The following ACADSB variants were observed in gnomAD, a reference collection of about 807,000 sequenced individuals.
ACADSB encodes the protein acyl-CoA dehydrogenase short/branched chain.
ACADSB carries 40 observed loss-of-function variants against 54.1 expected under a neutral mutation model. The ratio of observed to expected loss-of-function variants is 0.74; its 90% CI spans 0.57 to 0.96. The LOEUF is 0.96. ACADSB is among the 40% of genes least tolerant of loss of function. The probability of loss-of-function intolerance (pLI) is 0.00; values close to 1 mark genes in which losing one functional copy is unlikely to be tolerated. For missense variants in ACADSB, 530 were observed against 510.4 expected, an observed-to-expected ratio of 1.04 and a Z score of -0.37; for synonymous variants, 182 against 182.8, an observed-to-expected ratio of 1.00 and a Z score of 0.03.
chr10:123,032,033 G>A (rs560913759), intron 1 of ACADSB, among the ~76,000 whole-genome samples: 39 of 151,930 alleles, frequency 2.6e-4, no homozygotes, highest in African/African-American at 8.9e-4. Flanking sequence ...AGGCTGGAGT[G>A]CAGTGGTGTG....
chr10:123,053,063 T>C lies in ACADSB; in HGVS notation c.1131T>C (p.Ile377=). 6.2e-7 allele frequency: 1 copy of C among 1,613,540 alleles called. No homozygotes were observed. Among genetic ancestry groups the C allele is most frequent in the African/African-American group, 1.3e-5 (1 of 75,034 alleles). The change falls in exon 10 of 11, where the codon ATT becomes ATC. Residue 377 remains isoleucine (I), a splice_region_variant and synonymous_variant. Coordinates refer to ENST00000358776, the MANE Select transcript of ACADSB (RefSeq NM_001609.4). Reference sequence around the variant, plus strand: ...TGATTTGCACTTGCTTTTGGTAGATTGCAGGACAAACAACGAGTAAATGTA... The same window carrying C: ...TGATTTGCACTTGCTTTTGGTAGATCGCAGGACAAACAACGAGTAAATGTA... ...ASMAKYYASE[I]AGQTTSKCIE... is the part of the protein sequence containing the mutation.
At chr10:123,042,999 C>T (rs775353698) in intron 5 of ACADSB, 47 bp from the exon 6 acceptor site, 15 of 1,601,714 alleles carry the variant, frequency 9.4e-6, no homozygotes, top group South Asian at 3.3e-5. Context: ...AGAAACAAGG[C>T]GTTTTATAAA....
rs1232920409 is a variant in ACADSB at position 123,057,041 on chromosome 10, A to G, written c.*3276A>G. 1 of 152,682 alleles carries G rather than the reference A, an allele frequency of 6.5e-6. No homozygotes were observed. The highest frequency in any genetic ancestry group is 1.9e-4 in the East Asian group (1 of 5,198). 9.5% of individuals were successfully genotyped at this position (152,682 alleles called of 1,614,324 possible). ...GACAGTCATCTGATAAGAGTATGAC[A>G]TGGATGAAATGCCCTACAGGGGCCT... On this transcript the variant is annotated 3_prime_UTR_variant, in exon 11 of 11. Coordinates refer to ENST00000358776, the MANE Select transcript of ACADSB (RefSeq NM_001609.4).
chr10:123,041,881 A>G (rs1277084758), intron 5 of ACADSB, among the ~76,000 whole-genome samples: 4 of 152,006 alleles, frequency 2.6e-5, no homozygotes, highest in Non-Finnish European at 4.4e-5. Flanking sequence ...ACTCCGCCAC[A>G]GATATGGAGG....
intron 1 of ACADSB, among the ~76,000 whole-genome samples, chr10:123,029,275 G>A (rs927285518): frequency 2.0e-5 from 3 of 151,808 alleles, no homozygotes; most frequent in Admixed American, 2.0e-4. Flanking sequence ...AAACCCAGGA[G>A]GTGCAGTTTG....
intron 1 of ACADSB, among the ~76,000 whole-genome samples, chr10:123,028,706 C>T (rs758673812): frequency 2.0e-5 from 3 of 152,060 alleles, no homozygotes; most frequent in East Asian, 3.9e-4. Context: ...CCAAAGCATA[C>T]GTGGTTCAGG....
chr10:123,049,575 A>C (rs1028214359), intron 8 of ACADSB, among the ~76,000 whole-genome samples: 1 of 152,266 alleles, frequency 6.6e-6, no homozygotes, highest in Non-Finnish European at 1.5e-5. Flanking sequence ...TTCCTAGAAC[A>C]GTGATACTTG....
chr10:123,056,029 T>C lies in ACADSB; in HGVS notation c.*2264T>C, dbSNP rs1281766266. 1 of 152,574 alleles carries C rather than the reference T, an allele frequency of 6.6e-6. No homozygotes were observed. The highest frequency in any genetic ancestry group is 1.5e-5 in the Non-Finnish European group (1 of 68,316). 9.5% of individuals were successfully genotyped at this position (152,574 alleles called of 1,614,324 possible). ...ATTTTGGGCAAAGCCATTCAGCAAGTATCTAGGAAGTTCCAAACTTTCCCA... is the reference window on the plus strand; with the variant it reads ...ATTTTGGGCAAAGCCATTCAGCAAGCATCTAGGAAGTTCCAAACTTTCCCA... On this transcript the variant is annotated 3_prime_UTR_variant, in exon 11 of 11. Transcript: ENST00000358776.
intron 2 of ACADSB, among the ~76,000 whole-genome samples, chr10:123,036,712 C>G (rs1001304695): frequency 2.0e-5 from 3 of 152,148 alleles, no homozygotes; most frequent in Admixed American, 2.0e-4. Context: ...AAGCAGAGAA[C>G]ACCTAGACTT....
rs117308478 is a variant in ACADSB, at chr10:123,042,522, G to A, written c.682-524G>A. On this transcript the variant is annotated intron_variant, in intron 5 of 10. Coordinates refer to ENST00000358776, the MANE Select transcript of ACADSB (RefSeq NM_001609.4). ...GTTGCCTAGACTGGAGTGCAAGGCT[G>A]TGATCCCAGCTCACTGCAACCTCCG... Among the ~76,000 whole-genome samples the A allele has an allele frequency of 2.9e-3, 379 of 130,268 alleles. 11 individuals are homozygous for A. The East Asian group carries it at 0.057, about 19-fold the overall frequency. The allele number at this position is 130,268 out of a possible 152,430, so 85.5% of individuals were successfully genotyped here. A position where few individuals can be genotyped will look rare whatever the true frequency, so the allele number is the denominator to read the frequency against.
intron 1 of ACADSB, among the ~76,000 whole-genome samples, chr10:123,029,208 A>G (rs968055895): frequency 6.6e-6 from 1 of 152,064 alleles, no homozygotes; most frequent in South Asian, 2.1e-4. Context: ...TTAGCTGGGC[A>G]TGGTGGCATA....
intron 5 of ACADSB, 111 bp downstream of exon 5, chr10:123,041,490 T>C: frequency 9.1e-7 from 1 of 1,099,540 alleles, no homozygotes. Context: ...CTCTTTAGTC[T>C]TCTCAGTACT....
chr10:123,010,568 G>A (rs961191378), intron 1 of ACADSB, among the ~76,000 whole-genome samples: 2 of 152,186 alleles, frequency 1.3e-5, no homozygotes, highest in African/African-American at 2.4e-5. Flanking sequence ...CTTCCTAGTG[G>A]TATAACCTTG....
Position 123,041,312 on chromosome 10 carries a change from A to G in ACADSB, c.614A>G (p.Lys205Arg). 6.2e-7 allele frequency: 1 copy of G among 1,614,228 alleles called. No individual in the cohort carries two copies. The highest frequency in any genetic ancestry group is 8.5e-7 in the Non-Finnish European group (1 of 1,180,030). ...EGDYYVLNGS[K>R]MWISSAEHAG... ...GATTATTATGTCCTCAATGGATCAA[A>G]GATGTGGATCAGCAGTGCTGAGCAC... Residue 205 changes from lysine to arginine, a missense_variant, in exon 5 of 11, where the codon AAG becomes AGG. Lys to Arg is a conservative substitution (Grantham distance 26). Transcript: ENST00000358776.
intron 5 of ACADSB, among the ~76,000 whole-genome samples, chr10:123,041,911 C>T (rs1260714843): frequency 1.3e-5 from 2 of 151,816 alleles, no homozygotes; most frequent in African/African-American, 2.4e-5. Context: ...TTGTGGAGGA[C>T]CAACTGTTAC....
At chr10:123,024,291 C>T (rs925414668) in intron 1 of ACADSB, among the ~76,000 whole-genome samples, 3 of 152,220 alleles carry the variant, frequency 2.0e-5, no homozygotes, top group Non-Finnish European at 2.9e-5. Context: ...TGTTCGAGTT[C>T]TCTCCAGATT....
chr10:123,044,097 G>A (rs1045859418), intron 6 of ACADSB, among the ~76,000 whole-genome samples: 1 of 152,134 alleles, frequency 6.6e-6, no homozygotes, highest in African/African-American at 2.4e-5. Context: ...AAGAATTGGG[G>A]GGGAAAAGTA....
At position 123,041,220 on chromosome 10, in the gene ACADSB, C is replaced by G. The variant is rs776500162; in HGVS notation, c.522C>G (p.Phe174Leu). 6.8e-6 allele frequency: 11 copies of G among 1,613,990 alleles called. No homozygotes were observed. In the African/African-American group the frequency reaches 8.0e-5, roughly 12 times the overall value. Reference sequence around the variant, plus strand: ...TCTCCCATATGTAGGTAGGAAGTTTCTGCCTTTCAGAGGCTGGAGCAGGTA... The same window carrying G: ...TCTCCCATATGTAGGTAGGAAGTTTGTGCCTTTCAGAGGCTGGAGCAGGTA... The part of the protein sequence containing the change: ...PQLTTEKVGS[F>L]CLSEAGAGSD... Residue 174 changes from phenylalanine (F) to leucine (L), a missense_variant, in exon 5 of 11, where the codon TTC (phenylalanine) becomes TTG (leucine). By Grantham distance (22) the Phe-to-Leu change is conservative. Coordinates refer to ENST00000358776, the MANE Select transcript of ACADSB (RefSeq NM_001609.4).
chr10:123,044,100 GA>G (rs1027609411), intron 6 of ACADSB, among the ~76,000 whole-genome samples: 7 of 149,420 alleles, frequency 4.7e-5, no homozygotes, highest in African/African-American at 1.5e-4. Context: ...AATTGGGGGG[GA>G]AAAGTATTAA....
Sources: gnomAD v4.1 joint callset for allele counts (sites outside exome capture counted in the v4.1 genomes callset) on GRCh38, gnomAD v4.1.1 for gene constraint, MANE v1.5 for transcripts, NCBI Gene and HGNC (gene_info 2026-07-23, HGNC 2026-07-21) for gene names.